Variants in ZNF273 observed in about 807,000 individuals in gnomAD.
ZNF273 encodes the protein zinc finger protein 9.
Under a neutral mutation model 14.9 loss-of-function variants are expected in ZNF273, and 11 were observed. The observed-to-expected ratio is 0.74, with a 90% confidence interval of 0.46 to 1.22. The LOEUF (loss-of-function observed/expected upper bound fraction) is 1.22, where lower values mean the gene tolerates loss of function less well. ZNF273 is among the 50% of genes most tolerant of loss of function. The pLI is 0.00. For synonymous variants in ZNF273, 199 were observed against 223.9 expected, an observed-to-expected ratio of 0.89 and a Z score of 0.99; for missense variants, 577 against 660.6, an observed-to-expected ratio of 0.87 and a Z score of 1.39.
rs1214271897 is a variant in ZNF273 at position 64,930,005 on chromosome 7, T to G, written c.*967T>G. 6.6e-6 allele frequency: 1 copy of G among 152,514 alleles called. No homozygotes were observed. The allele number at this position is 152,514 out of a possible 1,614,324, so 9.4% of individuals were successfully genotyped here. A position where few individuals can be genotyped will look rare whatever the true frequency, so the allele number is the denominator to read the frequency against. ...CCTCAGCCTCCCTAGTAGCTGGGAT[T>G]ACAGGCATGTGCCACACCTGGCTAA... On this transcript the variant is annotated 3_prime_UTR_variant, in exon 4 of 4. Coordinates refer to ENST00000476120, the MANE Select transcript of ZNF273 (RefSeq NM_021148.3).
At chr7:64,890,293 G>A (rs147204726), downstream of ZNF273, among the ~76,000 whole-genome samples, 110 of 151,440 alleles carry the variant, frequency 7.3e-4, no homozygotes, top group African/African-American at 2.4e-3. Context: ...GTGAACAGCA[G>A]CATCCCTGCA....
At chr7:64,919,895 A>G (rs1794302932) in intron 3 of ZNF273, among the ~76,000 whole-genome samples, 1 of 151,878 alleles carries the variant, frequency 6.6e-6, no homozygotes, top group African/African-American at 2.4e-5. Context: ...CTCAATTTCA[A>G]TGGCTATTTT....
At chr7:64,889,727 C>T, downstream of ZNF273, 1 of 985,942 alleles carries the variant, frequency 1.0e-6, no homozygotes. This position sits in a 1 kb window ranked among gnomAD's most constrained non-coding sequence, Gnocchi z 4.2. Context: ...TGTAGCTGGA[C>T]ACCGAGCACC....
exon 2 of ZNF273, chr7:64,888,673 G>C: frequency 1.0e-6 from 1 of 985,744 alleles, no homozygotes; most frequent in Non-Finnish European, 1.2e-6. Context: ...CCGCGTCTTC[G>C]GCAAAGTCTT....
At chr7:64,882,020 T>G (rs4718154), downstream of ZNF273, among the ~76,000 whole-genome samples, 1 of 151,904 alleles carries the variant, frequency 6.6e-6, no homozygotes, top group Admixed American at 6.5e-5. Context: ...CCGTGTCCTT[T>G]CCTTTGTCGT....
chr7:64,883,221 C>CCCCCG (rs1554378888), downstream of ZNF273, among the ~76,000 whole-genome samples: 1 of 147,618 alleles, frequency 6.8e-6, no homozygotes, highest in African/African-American at 2.5e-5. Context: ...ACCACCCCCC[C>CCCCCG]CTCACCAAGC....
chr7:64,934,107 C>T (rs1562970514), downstream of ZNF273, among the ~76,000 whole-genome samples: 1 of 152,132 alleles, frequency 6.6e-6, no homozygotes, highest in East Asian at 1.9e-4. Flanking sequence ...GTTGGCCAGG[C>T]TGGTCTCTAA....
At chr7:64,897,582 T>TC (rs1460445985) in exon 4 of ZNF273, 1 of 151,978 alleles carries the variant, frequency 6.6e-6, no homozygotes, top group African/African-American at 2.4e-5. Context: ...CGCCTCGGCC[T>TC]CCCAAAGTGC....
At chr7:64,927,265 G>T (rs534397389) in intron 3 of ZNF273, among the ~76,000 whole-genome samples, 5 of 152,176 alleles carry the variant, frequency 3.3e-5, no homozygotes, top group African/African-American at 1.2e-4. Context: ...AATTTTTGTG[G>T]TTTTACCAGA....
chr7:64,881,898 C>T (rs1312879116), downstream of ZNF273, among the ~76,000 whole-genome samples: 1 of 152,186 alleles, frequency 6.6e-6, no homozygotes, highest in African/African-American at 2.4e-5. Context: ...CTCAGCAGCA[C>T]TCGTGGACAC....
intron 1 of ZNF273, 32 bp from the exon 2 acceptor site, chr7:64,917,549 T>C (rs1794093982): frequency 6.3e-7 from 1 of 1,578,694 alleles, no homozygotes; most frequent in South Asian, 1.1e-5. Flanking sequence ...AGCAAGTTGG[T>C]AAATATGTTT....
chr7:64,932,574 G>C (rs1276972925), downstream of ZNF273, among the ~76,000 whole-genome samples: 1 of 152,110 alleles, frequency 6.6e-6, no homozygotes, highest in Admixed American at 6.5e-5. Flanking sequence ...AGAGTGCTGG[G>C]ATTACAGGCG....
In ZNF273 at chr7:64,926,700, A is replaced by C. The variant is rs116877866; in HGVS notation, c.326-954A>C. Among the ~76,000 whole-genome samples the C allele has an allele frequency of 8.8e-3, 1,338 of 152,300 alleles. 13 individuals carry two copies. The highest frequency in any genetic ancestry group is 0.014 in the Non-Finnish European group (938 of 68,022). On this transcript the variant is annotated intron_variant, in intron 3 of 3. Coordinates refer to ENST00000476120, the MANE Select transcript of ZNF273 (RefSeq NM_021148.3). ...ACATTAAAAACAAGCTACCCATCAC[A>C]ATCTTTATAACGTATCTTTGTCTTG...
At chr7:64,931,701 G>A (rs1562969538), downstream of ZNF273, among the ~76,000 whole-genome samples, 1 of 152,126 alleles carries the variant, frequency 6.6e-6, no homozygotes, top group East Asian at 1.9e-4. Flanking sequence ...GAGTCATGAG[G>A]ATGCTGTTCT....
chr7:64,934,205 A>AT (rs35073259), downstream of ZNF273, among the ~76,000 whole-genome samples: 47,455 of 151,242 alleles, frequency 0.31, 8,412 homozygotes, highest in Non-Finnish European at 0.38. Context: ...AGTTTCTTAC[A>AT]TTTTTTTTTA....
rs200154438 is a variant in ZNF273, at chr7:64,903,325, C to G, written c.8C>G (p.Ser3Cys). 7.1e-5 allele frequency: 115 copies of G among 1,612,300 alleles called. No individual in the cohort carries two copies. In the African/African-American group the frequency reaches 1.2e-3, roughly 17 times the overall value. Residue 3 changes from serine (S) to cysteine (C), a missense_variant, in exon 1 of 4, where the codon TCT (serine) becomes TGT (cysteine). Around this residue, in one of 3 missense-constraint regions of ZNF273, gnomAD observed 162 missense variants for 203.5 expected, o/e 0.80. Coordinates refer to ENST00000476120, the MANE Select transcript of ZNF273 (RefSeq NM_021148.3). ...TCTCGTCTTCACTGCTCTATGTCCT[C>G]TGCTCCTAGAGGTCCACCTTCTGTG... Reference protein sequence around the residue: MSSAPRGPPSVAP... With the variant: MSCAPRGPPSVAP...
downstream of ZNF273, chr7:64,889,303 G>T: frequency 2.1e-6 from 2 of 943,694 alleles, no homozygotes; most frequent in Non-Finnish European, 2.5e-6. The surrounding 1 kb of genome is among the most constrained non-coding windows in gnomAD (Gnocchi z 4.2). Flanking sequence ...GCTCTCGCCC[G>T]CCGGTGCCTG....
chr7:64,886,799 A>G (rs1211805381), intron 1 of ZNF273, among the ~76,000 whole-genome samples: 2 of 152,188 alleles, frequency 1.3e-5, no homozygotes, highest in Non-Finnish European at 2.9e-5. Flanking sequence ...TTCCATCAAA[A>G]CAGTAATTGA....
At chr7:64,922,540 G>A (rs1395610754) in intron 3 of ZNF273, among the ~76,000 whole-genome samples, 1 of 151,976 alleles carries the variant, frequency 6.6e-6, no homozygotes, top group East Asian at 1.9e-4. Context: ...TTGAACTCCT[G>A]ACCTCAAGTG....
Sources: allele counts gnomAD v4.1 joint callset (sites outside exome capture counted in the v4.1 genomes callset), GRCh38; gene constraint gnomAD v4.1.1; regional missense constraint gnomAD v4.1.1; non-coding constraint Gnocchi (gnomAD v3.1); transcripts MANE v1.5; gene names NCBI Gene and HGNC (gene_info 2026-07-23, HGNC 2026-07-21).